Variants in ZNF862 observed in about 807,000 individuals in gnomAD.
ZNF862 encodes the protein zinc finger protein 862.
ZNF862 carries 64 observed loss-of-function variants against 91.1 expected under a neutral mutation model. That is an observed-to-expected ratio of 0.70 (90% CI 0.57 to 0.87). ZNF862 has a LOEUF of 0.87. Among genes scored for constraint, ZNF862 ranks in the 40% least tolerant of loss-of-function variants. ZNF862 has a pLI of 0.00. For missense variants in ZNF862, 1,459 were observed against 1,528.0 expected (o/e 0.95, Z 0.75); for synonymous variants, 631 against 618.1 (o/e 1.02, Z -0.31).
At chr7:149,840,958 T>G in intron 1 of ZNF862, 2 of 985,416 alleles carry the variant, frequency 2.0e-6, no homozygotes, top group Non-Finnish European at 2.4e-6. Flanking sequence ...CCTGATTCCG[T>G]GTCCTGTCCA....
rs1586050959 is a variant in ZNF862 at position 149,850,176 on chromosome 7, G to T, written c.955G>T (p.Gly319Trp). Residue 319 changes from glycine to tryptophan, a missense_variant, in exon 5 of 8, where the codon GGG becomes TGG. Physicochemically the swap from Gly to Trp is radical, Grantham distance 184 (BLOSUM62 -2). Coordinates refer to ENST00000223210, the MANE Select transcript of ZNF862 (RefSeq NM_001099220.3). This position sits in a 1 kb window ranked among gnomAD's most constrained non-coding sequence, Gnocchi z 4.2. Reference protein sequence around the residue: ...ESCIQDPSAEGLSEEVPVVFE... With the variant: ...ESCIQDPSAEWLSEEVPVVFE... The stretch of plus-strand genomic sequence containing the variant: ...TTTGTTCCAGGACCCTTCTGCAGAG[G>T]GGCTGTCGGAGGAGGTTCCTGTGGT... The T allele has an allele frequency of 6.4e-7, 1 of 1,571,956 alleles. No homozygotes were observed. Among genetic ancestry groups the T allele is most frequent in the Non-Finnish European group, 8.6e-7 (1 of 1,159,018 alleles).
intron 1 of ZNF862, among the ~76,000 whole-genome samples, chr7:149,839,506 A>G (rs1801628507): frequency 6.6e-6 from 1 of 152,206 alleles, no homozygotes; most frequent in Non-Finnish European, 1.5e-5. Context: ...GTATGAGGAT[A>G]AATAGGAAAT....
Position 149,841,623 on chromosome 7 carries a change from A to C in ZNF862, c.24+2988A>C, listed in dbSNP as rs1037709178. 1.1e-4 allele frequency: 105 copies of C among 985,288 alleles called. No homozygotes were observed. In the African/African-American group the frequency reaches 1.7e-3, roughly 16 times the overall value. The allele number at this position is 985,288 out of a possible 1,614,324, so 61.0% of individuals were successfully genotyped here. ...TTGCTGCAAGGTGTGGGTGCTCTGAAGAACACTGCAGCCCGCCACCTCATG... is the reference window on the plus strand; with the variant it reads ...TTGCTGCAAGGTGTGGGTGCTCTGACGAACACTGCAGCCCGCCACCTCATG... On this transcript the variant is annotated intron_variant, in intron 1 of 7. Coordinates refer to ENST00000223210, the MANE Select transcript of ZNF862 (RefSeq NM_001099220.3).
intron 1 of ZNF862, among the ~76,000 whole-genome samples, chr7:149,840,380 GTT>G (rs1224457772): frequency 1.3e-5 from 2 of 152,008 alleles, no homozygotes; most frequent in African/African-American, 2.4e-5. Context: ...AGAGTCAAAA[GTT>G]TAAAAAATTA....
At chr7:149,864,072 C>T (rs757808258) in intron 7 of ZNF862, 37 bp from the exon 8 acceptor site, 94 of 1,540,142 alleles carry the variant, frequency 6.1e-5, no homozygotes, top group Non-Finnish European at 8.0e-5. Context: ...CGGTCACTGT[C>T]AGTCAGTCTA....
rs750278779 is a variant in ZNF862, at chr7:149,848,281, C to T, written c.788C>T (p.Ala263Val). The T allele has an allele frequency of 6.2e-7, 1 of 1,611,250 alleles. No individual in the cohort carries two copies. ...SMAELLPSSR[A>V]ELEDPGGDGA... The stretch of plus-strand genomic sequence containing the variant: ...GCTGAGCTCCTGCCAAGTTCAAGAG[C>T]TGAACTAGAGGACCCTGGGGGGGAT... Residue 263 changes from alanine to valine, a missense_variant, in exon 4 of 8, where the codon GCT becomes GTT. Ala to Val is a moderately conservative substitution (Grantham distance 64). Coordinates refer to ENST00000223210, the MANE Select transcript of ZNF862 (RefSeq NM_001099220.3).
In ZNF862 at chr7:149,861,034, G is replaced by A. The variant is rs755575213; in HGVS notation, c.1874G>A (p.Ser625Asn). The A allele has an allele frequency of 8.7e-6, 14 of 1,612,922 alleles. No individual in the cohort carries two copies. The African/African-American group carries it at 1.2e-4, about 14-fold the overall frequency. ...LEDVRNSPCV[S>N]VLLDSSTDAS... The stretch of plus-strand genomic sequence containing the variant: ...GACGTGCGGAACTCGCCCTGTGTGA[G>A]CGTGCTGCTGGACAGCTCCACCGAC... The change falls in exon 7 of 8, where the codon AGC (serine) becomes AAC (asparagine). Residue 625 changes from serine (S) to asparagine (N), a missense_variant. Coordinates refer to ENST00000223210, the MANE Select transcript of ZNF862 (RefSeq NM_001099220.3). The surrounding 1 kb of genome is among the most constrained non-coding windows in gnomAD (Gnocchi z 6.7).
chr7:149,862,088 C>T lies in ZNF862; in HGVS notation c.2928C>T (p.Phe976=), dbSNP rs370165112. The T allele has an allele frequency of 1.5e-4, 239 of 1,613,564 alleles. No homozygotes were observed. Among genetic ancestry groups the T allele is most frequent in the Admixed American group, 2.8e-4 (17 of 60,002 alleles). The change falls in exon 7 of 8, where the codon TTC becomes TTT. Residue 976 remains phenylalanine (F), a synonymous_variant. Transcript: ENST00000223210. The part of the protein sequence containing the change: ...NDDILNLARY[F]ECSLPTGYSE... The stretch of plus-strand genomic sequence containing the variant: ...ACATTCTCAACCTGGCCAGGTATTT[C>T]GAGTGCTCCCTCCCAACAGGATACA...
intron 1 of ZNF862, among the ~76,000 whole-genome samples, chr7:149,842,397 C>T (rs1290083049): frequency 1.3e-5 from 2 of 152,144 alleles, no homozygotes; most frequent in East Asian, 1.9e-4. Context: ...GACTGGGAAC[C>T]GCTAAAATAG....
rs555900974 is a variant in ZNF862 at position 149,841,193 on chromosome 7, C to T, written c.24+2558C>T. On this transcript the variant is annotated intron_variant, in intron 1 of 7. Transcript: ENST00000223210. Reference sequence around the variant, plus strand: ...ATAGCGGTGCTGTTCTACAACTCCACTCCGAACAGCATTCTTATGGCTCAG... The same window carrying T: ...ATAGCGGTGCTGTTCTACAACTCCATTCCGAACAGCATTCTTATGGCTCAG... The T allele has an allele frequency of 8.1e-6, 8 of 985,448 alleles. No individual in the cohort carries two copies. In the East Asian group the frequency reaches 6.8e-4, roughly 84 times the overall value. 61.0% of individuals were successfully genotyped at this position (985,448 alleles called of 1,614,324 possible).
intron 1 of ZNF862, among the ~76,000 whole-genome samples, chr7:149,838,932 C>G (rs541830965): frequency 1.3e-5 from 2 of 152,184 alleles, no homozygotes; most frequent in African/African-American, 2.4e-5. Context: ...TTCCTGTTTT[C>G]CCCACCACCT....
intron 5 of ZNF862, chr7:149,851,987 A>C (rs1193379608): frequency 6.6e-6 from 1 of 152,188 alleles, no homozygotes; most frequent in Non-Finnish European, 1.5e-5. Context: ...GATTCCTTTC[A>C]GTTACTTTAA....
In ZNF862 at chr7:149,860,432, T is replaced by C. The variant is rs564572995; in HGVS notation, c.1272T>C (p.Ala424=). ...GAGAGGCAGACACACAGGCCTCGGCTGCAGACTCCGCGTTGCTTCCAGGCT... is the reference window on the plus strand; with the variant it reads ...GAGAGGCAGACACACAGGCCTCGGCCGCAGACTCCGCGTTGCTTCCAGGCT... ...AVREADTQAS[A]ADSALLPGSP... is the part of the protein sequence containing the mutation. The change falls in exon 7 of 8, where the codon GCT becomes GCC. Residue 424 remains alanine (A), a synonymous_variant. Coordinates refer to ENST00000223210, the MANE Select transcript of ZNF862 (RefSeq NM_001099220.3). The C allele has an allele frequency of 6.2e-7, 1 of 1,613,852 alleles. No individual in the cohort carries two copies. Among genetic ancestry groups the C allele is most frequent in the South Asian group, 1.1e-5 (1 of 91,064 alleles).
intron 1 of ZNF862, among the ~76,000 whole-genome samples, 162 bp downstream of exon 1, chr7:149,838,797 C>G (rs1801608933): frequency 1.3e-5 from 2 of 152,230 alleles, no homozygotes; most frequent in African/African-American, 4.8e-5. Flanking sequence ...GCGCCCGACC[C>G]CGGGAGGGTG....
intron 5 of ZNF862, among the ~76,000 whole-genome samples, chr7:149,853,946 A>C (rs1203814689): frequency 6.6e-6 from 1 of 151,824 alleles, no homozygotes; most frequent in Non-Finnish European, 1.5e-5. Flanking sequence ...TCAAAAAAAA[A>C]AAAAAAAGAA....
chr7:149,840,425 G>T (rs1426156392), intron 1 of ZNF862, among the ~76,000 whole-genome samples: 1 of 152,094 alleles, frequency 6.6e-6, no homozygotes, highest in Admixed American at 6.5e-5. Flanking sequence ...CAATAAGCTA[G>T]GGTTAATTTA....
intron 5 of ZNF862, among the ~76,000 whole-genome samples, chr7:149,853,937 CAAAAA>C (rs931414504): frequency 9.2e-6 from 1 of 108,230 alleles, no homozygotes; most frequent in Non-Finnish European, 1.9e-5. Context: ...GACTCCATCT[CAAAAA>C]AAAAAAAAAA....
intron 3 of ZNF862, among the ~76,000 whole-genome samples, 159 bp downstream of exon 3, chr7:149,846,414 C>T (rs1801874583): frequency 6.6e-6 from 1 of 152,244 alleles, no homozygotes; most frequent in Admixed American, 6.5e-5. Flanking sequence ...AATATACACA[C>T]TGCCCCTAAT....
At chr7:149,862,708 G>C (rs1249266927) in intron 7 of ZNF862, among the ~76,000 whole-genome samples, 1 of 152,258 alleles carries the variant, frequency 6.6e-6, no homozygotes, top group Non-Finnish European at 1.5e-5. Flanking sequence ...TTAGTGCAGA[G>C]AGCGTGCATT....
Sources: gnomAD v4.1 joint callset for allele counts (sites outside exome capture counted in the v4.1 genomes callset) on GRCh38, gnomAD v4.1.1 for gene constraint, Gnocchi (gnomAD v3.1) non-coding constraint, MANE v1.5 for transcripts, NCBI Gene and HGNC (gene_info 2026-07-23, HGNC 2026-07-21) for gene names.